Variants in DCAF15 observed in about 807,000 individuals in gnomAD.
The protein encoded by DCAF15 is DDB1 and CUL4 associated factor 15.
Under a neutral mutation model 68.0 loss-of-function variants are expected in DCAF15, and 24 were observed. The ratio of observed to expected loss-of-function variants is 0.35; its 90% confidence interval spans 0.26 to 0.50. The LOEUF (loss-of-function observed/expected upper bound fraction) is 0.50. DCAF15 is among the 20% of genes least tolerant of loss of function. The pLI, the probability that DCAF15 is intolerant of heterozygous loss-of-function variation, is 0.98. For missense variants in DCAF15, 627 were observed against 830.6 expected (o/e 0.75, Z 3.01); for synonymous variants, 376 against 341.6 (o/e 1.10, Z -1.11).
chr19:13,952,899 C>T (rs1183909314), intron 1 of DCAF15: 4 of 780,796 alleles, frequency 5.1e-6, no homozygotes, highest in African/African-American at 2.1e-5. Context: ...GGCGGGGCCC[C>T]AGGGAGGGGG....
Position 13,959,268 on chromosome 19 carries a change from C to T in DCAF15, c.1008C>T (p.Gly336=), listed in dbSNP as rs762808648. 2.5e-5 allele frequency: 41 copies of T among 1,611,654 alleles called. No individual in the cohort carries two copies. Among genetic ancestry groups the T allele is most frequent in the Non-Finnish European group, 3.3e-5 (39 of 1,179,868 alleles). Residue 336 remains glycine, a synonymous_variant, in exon 7 of 13, where the codon GGC becomes GGT. Transcript: ENST00000254337. ...DIFRRAKEAK[G]GVPEEARPAL... is the part of the protein sequence containing the mutation. Reference sequence around the variant, plus strand: ...TCCGCCGGGCCAAAGAGGCCAAGGGCGGGGTCCCTGAGGAAGCCCGGCCTG... The same window carrying T: ...TCCGCCGGGCCAAAGAGGCCAAGGGTGGGGTCCCTGAGGAAGCCCGGCCTG...
In DCAF15 at chr19:13,956,113, T is replaced by G. The variant is rs1973349643; in HGVS notation, c.474-10T>G. The G allele has an allele frequency of 6.2e-7, 1 of 1,609,654 alleles. No homozygotes were observed. The highest frequency in any genetic ancestry group is 8.5e-7 in the Non-Finnish European group (1 of 1,178,630). ...GCCGACCAGGCAGCTGAGGGTATGC[T>G]GGCCCCCAGCACCCGCTCGGCCAAC... On this transcript the variant is annotated splice_polypyrimidine_tract_variant and intron_variant, in intron 4 of 12. Transcript: ENST00000254337.
chr19:13,959,520 A>G (rs1276211607), intron 7 of DCAF15, 41 bp downstream of exon 7: 9 of 1,609,868 alleles, frequency 5.6e-6, no homozygotes, highest in Non-Finnish European at 7.6e-6. Flanking sequence ...TGGGATGGAG[A>G]GGCCAGCCCA....
At chr19:13,960,831 G>T (rs1973597369) in intron 12 of DCAF15, 109 bp from the exon 13 acceptor site, 1 of 1,413,030 alleles carries the variant, frequency 7.1e-7, no homozygotes, top group African/African-American at 1.4e-5. Context: ...AACTCAGCAG[G>T]GTCCCTGCCT....
In DCAF15 at chr19:13,959,333, A is replaced by G. The variant is rs1032670517; in HGVS notation, c.1073A>G (p.His358Arg). 1 of 1,605,762 alleles carries G rather than the reference A, an allele frequency of 6.2e-7. No individual in the cohort carries two copies. Among genetic ancestry groups the G allele is most frequent in the African/African-American group, 1.3e-5 (1 of 74,768 alleles). The change falls in exon 7 of 13, where the codon CAC becomes CGC. Residue 358 changes from histidine (H) to arginine (R), a missense_variant. Physicochemically the swap from His to Arg is conservative, Grantham distance 29. Coordinates refer to ENST00000254337, the MANE Select transcript of DCAF15 (RefSeq NM_138353.4). Reference protein sequence around the residue: ...PGPSGSRCRAHSEPLALCGET... With the variant: ...PGPSGSRCRARSEPLALCGET... The stretch of plus-strand genomic sequence containing the variant: ...CCCTCTGGCAGCCGCTGCCGTGCGC[A>G]CTCTGAGCCCCTAGCCCTGTGTGGA...
chr19:13,960,495 C>T lies in DCAF15; in HGVS notation c.1662C>T (p.Ser554=), dbSNP rs1224261765. ...SGSVWSSYRK[S]CVDMVMKWLV... is the part of the protein sequence containing the mutation. ...GTGTCTGGAGCTCCTACCGCAAGAG[C>T]TGCGTGGACATGGTCATGAAGTGGC... The change falls in exon 12 of 13, where the codon AGC becomes AGT. Residue 554 remains serine, a synonymous_variant. Coordinates refer to ENST00000254337, the MANE Select transcript of DCAF15 (RefSeq NM_138353.4). The T allele has an allele frequency of 6.2e-7, 1 of 1,611,548 alleles. No homozygotes were observed. The highest frequency in any genetic ancestry group is 2.2e-5 in the East Asian group (1 of 44,814).
chr19:13,956,491 G>C lies in DCAF15; in HGVS notation c.753G>C (p.Leu251=), dbSNP rs1445155758. 5 of 1,613,262 alleles carry C rather than the reference G, an allele frequency of 3.1e-6. No individual in the cohort carries two copies. The East Asian group carries it at 1.1e-4, about 36-fold the overall frequency. The change falls in exon 6 of 13, where the codon CTG becomes CTC. Residue 251 remains leucine (L), a synonymous_variant. Transcript: ENST00000254337. The part of the protein sequence containing the change: ...QVVLLNTSYS[L]VACAVSVHSA... ...TGCTGCTCAACACCAGCTACTCCCT[G>C]GTGGCCTGCGCCGTCTCCGTCCACT...
Position 13,959,638 on chromosome 19 carries a change from A to T in DCAF15, c.1276A>T (p.Asn426Tyr). The T allele has an allele frequency of 6.2e-7, 1 of 1,612,668 alleles. No homozygotes were observed. The highest frequency in any genetic ancestry group is 8.5e-7 in the Non-Finnish European group (1 of 1,179,694). ...CGTGGTGACTGATCTTCGTGGCCGC[A>T]ACCTGCGGCCCATGCGGGAGCGGAC... ...PFVVTDLRGRNLRPMRERTAV... is the reference protein window; with the variant it reads ...PFVVTDLRGRYLRPMRERTAV... The change falls in exon 8 of 13, where the codon AAC (asparagine) becomes TAC (tyrosine). Residue 426 changes from asparagine to tyrosine, a missense_variant. Physicochemically the swap from Asn to Tyr is moderately radical, Grantham distance 143 (BLOSUM62 -2). Transcript: ENST00000254337.
rs764610451 is a variant in DCAF15 at position 13,960,452 on chromosome 19, C to T, written c.1632-13C>T. ...CCAAGGCGACGAGAGCCACTCACCC[C>T]CTGGCCCCGCAGCGGCAGTGTCTGG... On this transcript the variant is annotated splice_polypyrimidine_tract_variant and intron_variant, in intron 11 of 12. Coordinates refer to ENST00000254337, the MANE Select transcript of DCAF15 (RefSeq NM_138353.4). The T allele has an allele frequency of 1.2e-6, 2 of 1,611,850 alleles. No homozygotes were observed. Among genetic ancestry groups the T allele is most frequent in the African/African-American group, 1.3e-5 (1 of 75,024 alleles).
chr19:13,953,061 C>A (rs1973153999), intron 1 of DCAF15: 1 of 1,545,744 alleles, frequency 6.5e-7, no homozygotes, highest in Non-Finnish European at 8.8e-7. Flanking sequence ...GCTTCCTCCG[C>A]CTGATGTTCC....
intron 10 of DCAF15, 34 bp downstream of exon 10, chr19:13,960,103 A>AGG: frequency 6.2e-7 from 1 of 1,610,054 alleles, no homozygotes. Flanking sequence ...TCTGTCCACT[A>AGG]GGGGGGCCAC....
rs376294815 is a variant in DCAF15, at chr19:13,956,198, C to T, written c.549C>T (p.Ser183=). The T allele has an allele frequency of 3.0e-5, 48 of 1,611,650 alleles. No individual in the cohort carries two copies. Among genetic ancestry groups the T allele is most frequent in the Non-Finnish European group, 3.8e-5 (45 of 1,179,676 alleles). The change falls in exon 5 of 13, where the codon AGC becomes AGT. Residue 183 remains serine, a synonymous_variant. Transcript: ENST00000254337. ...AGAACCACCGTGACATCTACGTCAGCACCGTGGCCGTGCCACCGCCAGGCC... is the reference window on the plus strand; with the variant it reads ...AGAACCACCGTGACATCTACGTCAGTACCGTGGCCGTGCCACCGCCAGGCC... ...SDENHRDIYV[S]TVAVPPPGRC...
chr19:13,954,781 A>C (rs1055792650), intron 3 of DCAF15, 120 bp downstream of exon 3: 1 of 1,104,426 alleles, frequency 9.1e-7, no homozygotes. Context: ...TGGGGTCATC[A>C]TCAAGATTCC....
chr19:13,958,994 G>A (rs574341643), intron 6 of DCAF15, 51 bp from the exon 7 acceptor site: 51 of 1,528,022 alleles, frequency 3.3e-5, no homozygotes, highest in Non-Finnish European at 4.1e-5. Flanking sequence ...GACACTGAGC[G>A]AGGCTGGGAG....
intron 6 of DCAF15, 74 bp downstream of exon 6, chr19:13,956,596 G>A (rs948166196): frequency 7.1e-6 from 11 of 1,543,928 alleles, no homozygotes; most frequent in Non-Finnish European, 9.6e-6. Context: ...ACACAGACAA[G>A]GGGCCCCAGG....
intron 3 of DCAF15, 56 bp downstream of exon 3, chr19:13,954,717 C>T: frequency 1.3e-6 from 2 of 1,596,306 alleles, no homozygotes; most frequent in Non-Finnish European, 1.7e-6. Flanking sequence ...CAGCAGGTCA[C>T]AGCAACCTCT....
At chr19:13,959,929 C>CAGGGTGGGCCCAGGGCT in intron 9 of DCAF15, 34 bp downstream of exon 9, 1 of 1,065,286 alleles carries the variant, frequency 9.4e-7, no homozygotes, top group Non-Finnish European at 1.3e-6. Context: ...GGCCCAGGGC[C>CAGGGTGGGCCCAGGGCT]TCCTGTACTC....
At position 13,959,295 on chromosome 19, in the gene DCAF15, C is replaced by T; in HGVS notation, c.1035C>T (p.Ala345=). 1 of 1,609,664 alleles carries T rather than the reference C, an allele frequency of 6.2e-7. No individual in the cohort carries two copies. Among genetic ancestry groups the T allele is most frequent in the Non-Finnish European group, 8.5e-7 (1 of 1,179,780 alleles). ...KGGVPEEARP[A]LCPGPSGSRC... ...GGGTCCCTGAGGAAGCCCGGCCTGC[C>T]CTGTGCCCAGGACCCTCTGGCAGCC... The change falls in exon 7 of 13, where the codon GCC becomes GCT. Residue 345 remains alanine, a synonymous_variant. Coordinates refer to ENST00000254337, the MANE Select transcript of DCAF15 (RefSeq NM_138353.4).
Position 13,959,626 on chromosome 19 carries a change from C to A in DCAF15, c.1264C>A (p.Leu422Ile). The change falls in exon 8 of 13, where the codon CTT becomes ATT. Residue 422 changes from leucine to isoleucine, a missense_variant. By Grantham distance (5) the Leu-to-Ile change is conservative. Around this residue, in one of 3 missense-constraint regions of DCAF15, gnomAD observed 236 missense variants for 225.1 expected, o/e 1.05. Coordinates refer to ENST00000254337, the MANE Select transcript of DCAF15 (RefSeq NM_138353.4). Reference sequence around the variant, plus strand: ...CTCCCTGCCCTTCGTGGTGACTGATCTTCGTGGCCGCAACCTGCGGCCCAT... The same window carrying A: ...CTCCCTGCCCTTCGTGGTGACTGATATTCGTGGCCGCAACCTGCGGCCCAT... ...KISLPFVVTD[L>I]RGRNLRPMRE... 6.2e-7 allele frequency: 1 copy of A among 1,612,994 alleles called. No homozygotes were observed. Among genetic ancestry groups the A allele is most frequent in the Non-Finnish European group, 8.5e-7 (1 of 1,179,718 alleles).
Sources: gnomAD v4.1 joint callset for allele counts on GRCh38, gnomAD v4.1.1 for gene constraint, gnomAD v4.1.1 regional missense constraint, MANE v1.5 for transcripts, NCBI Gene and HGNC (gene_info 2026-07-23, HGNC 2026-07-21) for gene names.